Variants in ACTR3C observed in about 807,000 individuals in gnomAD.
The protein encoded by ACTR3C is actin related protein 3C.
ACTR3C carries 18 observed loss-of-function variants against 26.3 expected under a neutral mutation model. That is an observed-to-expected ratio of 0.68 (90% CI 0.47 to 1.01). ACTR3C has a LOEUF of 1.01. ACTR3C is among the 50% of genes least tolerant of loss of function. The pLI, the probability that ACTR3C is intolerant of heterozygous loss-of-function variation, is 0.00. For missense variants in ACTR3C, 184 were observed against 250.7 expected, an observed-to-expected ratio of 0.73 and a Z score of 1.80; for synonymous variants, 55 against 94.5, an observed-to-expected ratio of 0.58 and a Z score of 2.42.
downstream of ACTR3C, chr7:150,246,000 A>G (rs1584814932): frequency 6.6e-6 from 1 of 152,182 alleles, no homozygotes; most frequent in African/African-American, 2.4e-5. Flanking sequence ...CTCCTAGTAA[A>G]ACAGTTATGC....
downstream of ACTR3C, among the ~76,000 whole-genome samples, chr7:150,242,929 A>G (rs1373496125): frequency 6.6e-6 from 1 of 152,252 alleles, no homozygotes; most frequent in Non-Finnish European, 1.5e-5. Flanking sequence ...AGAAAATAAT[A>G]AAAGAAAAGC....
the ACTR3C span, among the ~76,000 whole-genome samples, chr7:150,198,118 T>C: frequency 2.6e-5 from 4 of 151,476 alleles, no homozygotes; most frequent in East Asian, 5.8e-4. Context: ...GGTGCCGGGA[T>C]TGCAGACGGA....
At chr7:150,081,304 GAA>G in the ACTR3C span, among the ~76,000 whole-genome samples, 1 of 150,938 alleles carries the variant, frequency 6.6e-6, no homozygotes, top group Non-Finnish European at 1.5e-5. Flanking sequence ...AATAGAAAGA[GAA>G]GAGAGAAAAG....
At chr7:149,908,974 G>T in the ACTR3C span, among the ~76,000 whole-genome samples, 1 of 151,904 alleles carries the variant, frequency 6.6e-6, no homozygotes, top group African/African-American at 2.4e-5. Flanking sequence ...TAGAGACGGG[G>T]TTCCAACATG....
the ACTR3C span, among the ~76,000 whole-genome samples, chr7:150,153,590 T>TGTGGAGAA: frequency 8.5e-6 from 1 of 118,264 alleles, no homozygotes; most frequent in Non-Finnish European, 1.7e-5. Flanking sequence ...CTGGAGAGGA[T>TGTGGAGAA]GTGGAGAAAT....
chr7:150,093,285 G>A, the ACTR3C span, among the ~76,000 whole-genome samples: 1 of 151,186 alleles, frequency 6.6e-6, no homozygotes, highest in Non-Finnish European at 1.5e-5. Context: ...ACCCCAGTGT[G>A]TGCATTTTTA....
chr7:150,202,197 C>T, the ACTR3C span, among the ~76,000 whole-genome samples: 1 of 152,184 alleles, frequency 6.6e-6, no homozygotes, highest in Non-Finnish European at 1.5e-5. Flanking sequence ...AGCTCAGTCA[C>T]TGATTTTTTC....
the ACTR3C span, among the ~76,000 whole-genome samples, chr7:149,947,644 G>T: frequency 1.9e-5 from 2 of 106,924 alleles, no homozygotes; most frequent in African/African-American, 1.1e-4. Context: ...CGTGGGGCTG[G>T]GGCAGCGTGT....
the ACTR3C span, among the ~76,000 whole-genome samples, chr7:150,202,806 G>A: frequency 9.2e-5 from 14 of 152,222 alleles, no homozygotes; most frequent in African/African-American, 3.1e-4. Context: ...GCTAAAGTTT[G>A]GAGATGATAA....
the ACTR3C span, among the ~76,000 whole-genome samples, chr7:150,023,595 A>G: frequency 6.6e-6 from 1 of 151,834 alleles, no homozygotes; most frequent in African/African-American, 2.4e-5. Flanking sequence ...TCCAGACAGG[A>G]ATACCAATTT....
chr7:150,041,760 A>G, the ACTR3C span, among the ~76,000 whole-genome samples: 7 of 113,540 alleles, frequency 6.2e-5, no homozygotes, highest in Admixed American at 2.5e-4. Flanking sequence ...AGGGGGGGGA[A>G]GAGGGACTGG....
chr7:150,048,776 G>A, the ACTR3C span, among the ~76,000 whole-genome samples: 2 of 152,144 alleles, frequency 1.3e-5, no homozygotes, highest in African/African-American at 2.4e-5. Flanking sequence ...CCAGGAGGGC[G>A]CGGGGTGGTC....
At chr7:150,214,635 A>G in the ACTR3C span, among the ~76,000 whole-genome samples, 2 of 152,124 alleles carry the variant, frequency 1.3e-5, no homozygotes, top group Admixed American at 1.3e-4. Context: ...GGACCGAAAA[A>G]AAGTTTGACA....
At chr7:150,223,378 G>C in the ACTR3C span, among the ~76,000 whole-genome samples, 5 of 151,980 alleles carry the variant, frequency 3.3e-5, no homozygotes, top group Non-Finnish European at 5.9e-5. Context: ...TGCTTTAAAT[G>C]TTCATGTACA....
chr7:150,285,364 A>G (rs1835691553), intron 5 of ACTR3C, among the ~76,000 whole-genome samples: 1 of 152,242 alleles, frequency 6.6e-6, no homozygotes, highest in Non-Finnish European at 1.5e-5. Context: ...CATGTTATTG[A>G]ATAAACAGCC....
the ACTR3C span, chr7:150,047,604 C>T: frequency 9.5e-7 from 1 of 1,047,222 alleles, no homozygotes; most frequent in Non-Finnish European, 1.2e-6. Context: ...CCGAGAAGCT[C>T]TTACGTCCTC....
At chr7:150,006,014 C>T in the ACTR3C span, among the ~76,000 whole-genome samples, 1 of 152,090 alleles carries the variant, frequency 6.6e-6, no homozygotes, top group African/African-American at 2.4e-5. Context: ...GAGATTCTAC[C>T]TGCACCCCTG....
At chr7:150,284,995 C>T in intron 5 of ACTR3C, 150 bp from the exon 6 acceptor site, 1 of 851,878 alleles carries the variant, frequency 1.2e-6, no homozygotes, top group Middle Eastern at 3.3e-4. Context: ...AAATGAATCC[C>T]ATGTGACTAC....
intron 6 of ACTR3C, among the ~76,000 whole-genome samples, chr7:150,272,670 CTTTTTTGTGTG>C (rs200621993): frequency 0.036 from 4,598 of 129,422 alleles, 1,251 homozygotes; most frequent in African/African-American, 0.15. Context: ...CTAATAGTGT[CTTTTTTGTGTG>C]TTTTTTTGGT....
Sources: gnomAD v4.1 joint callset for allele counts (sites outside exome capture counted in the v4.1 genomes callset) on GRCh38, gnomAD v4.1.1 for gene constraint, MANE v1.5 for transcripts, NCBI Gene and HGNC (gene_info 2026-07-23, HGNC 2026-07-21) for gene names.